The following MITF variants were observed in gnomAD, a reference collection of about 807,000 sequenced individuals.
MITF encodes melanocyte inducing transcription factor, also known as microphthalmia-associated transcription factor.
In MITF, 17 loss-of-function variants were observed where a neutral mutation model predicts 60.5. The observed-to-expected ratio is 0.28, with a 90% confidence interval of 0.19 to 0.42. The LOEUF is 0.42. MITF is among the 10% of genes least tolerant of loss of function. The pLI, the probability that MITF is intolerant of heterozygous loss-of-function variation, is 1.00. For synonymous variants in MITF, 260 were observed against 248.5 expected (o/e 1.05, Z -0.43); for missense variants, 622 against 683.5 (o/e 0.91, Z 1.00).
At position 69,965,324 on chromosome 3, in the gene MITF, G is replaced by A; in HGVS notation, c.*76G>A. On this transcript the variant is annotated 3_prime_UTR_variant, in exon 10 of 10. Coordinates refer to ENST00000352241, the MANE Select transcript of MITF (RefSeq NM_001354604.2). Reference sequence around the variant, plus strand: ...TAGATTTAATAACTTACCTGAAGGGGTTTTCTTGATAATTTTCCTTTAATA... The same window carrying A: ...TAGATTTAATAACTTACCTGAAGGGATTTTCTTGATAATTTTCCTTTAATA... 2 of 1,509,826 alleles carry A rather than the reference G, an allele frequency of 1.3e-6. No individual in the cohort carries two copies. Among genetic ancestry groups the A allele is most frequent in the South Asian group, 1.2e-5 (1 of 83,806 alleles). The allele number at this position is 1,509,826 out of a possible 1,614,324, so 93.5% of individuals were successfully genotyped here. A position where few individuals can be genotyped will look rare whatever the true frequency, so the allele number is the denominator to read the frequency against.
intron 1 of MITF, among the ~76,000 whole-genome samples, chr3:69,837,047 T>C (rs2063551558): frequency 6.6e-6 from 1 of 152,180 alleles, no homozygotes; most frequent in South Asian, 2.1e-4. Context: ...CCCTGACCCT[T>C]AGGGCTTCCA....
At chr3:69,917,883 C>T (rs1277616266) in intron 2 of MITF, among the ~76,000 whole-genome samples, 1 of 152,032 alleles carries the variant, frequency 6.6e-6, no homozygotes, top group Non-Finnish European at 1.5e-5. Context: ...ACAACTTTTG[C>T]TCCAGTTCTG....
At chr3:69,890,566 G>T (rs957631535) in intron 2 of MITF, among the ~76,000 whole-genome samples, 1 of 151,930 alleles carries the variant, frequency 6.6e-6, no homozygotes, top group African/African-American at 2.4e-5. Flanking sequence ...TGAAAACTAG[G>T]TTTTTTTGGT....
chr3:69,942,356 G>C (rs958438143), intron 5 of MITF, among the ~76,000 whole-genome samples: 2 of 152,008 alleles, frequency 1.3e-5, no homozygotes, highest in African/African-American at 4.8e-5. Flanking sequence ...ATTTTTTAAA[G>C]GTATGACTAA....
At chr3:69,938,891 T>C in intron 3 of MITF, 1 of 1,453,754 alleles carries the variant, frequency 6.9e-7, no homozygotes. Flanking sequence ...CCAAACCAAC[T>C]GCTTTATTTT....
At chr3:69,940,022 T>A (rs906324835) in intron 4 of MITF, among the ~76,000 whole-genome samples, 21 of 152,160 alleles carry the variant, frequency 1.4e-4, no homozygotes, top group African/African-American at 4.8e-4. Flanking sequence ...AACTGGCCAA[T>A]TATTCTTTTT....
At chr3:69,913,057 ATAT>A (rs2065258235) in intron 2 of MITF, among the ~76,000 whole-genome samples, 1 of 152,128 alleles carries the variant, frequency 6.6e-6, no homozygotes, top group African/African-American at 2.4e-5. Context: ...TGTCTAGGAT[ATAT>A]TATTATTATT....
chr3:69,937,696 T>C lies in MITF; in HGVS notation c.355-126T>C, dbSNP rs185929152. On this transcript the variant is annotated intron_variant, in intron 2 of 9. Coordinates refer to ENST00000352241, the MANE Select transcript of MITF (RefSeq NM_001354604.2). ...ATCCGTTAGCACAGTGCCTGGTACA[T>C]AACAAAGGCTTAATAATTTATTCTG... 1.5e-4 allele frequency: 126 copies of C among 814,950 alleles called. 2 individuals carry two copies. In the African/African-American group the frequency reaches 2.0e-3, roughly 13 times the overall value. The allele number at this position is 814,950 out of a possible 1,614,324, so 50.5% of individuals were successfully genotyped here.
At chr3:69,843,737 T>TTTTG (rs1218706779) in intron 1 of MITF, among the ~76,000 whole-genome samples, 2 of 152,192 alleles carry the variant, frequency 1.3e-5, no homozygotes, top group South Asian at 2.1e-4. Flanking sequence ...CCCATACCGT[T>TTTTG]TTTGTTTGTT....
intron 1 of MITF, chr3:69,866,397 A>G (rs2064116339): frequency 6.2e-7 from 1 of 1,607,722 alleles, no homozygotes; most frequent in Non-Finnish European, 8.5e-7. Flanking sequence ...TAAGAGGAGC[A>G]GTTTTTTTTC....
intron 1 of MITF, among the ~76,000 whole-genome samples, chr3:69,872,382 C>T (rs1423133852): frequency 6.6e-6 from 1 of 151,924 alleles, no homozygotes; most frequent in Non-Finnish European, 1.5e-5. Flanking sequence ...GAGCATTGTT[C>T]GTATGTTACA....
intron 5 of MITF, 102 bp from the exon 6 acceptor site, chr3:69,948,949 T>C (rs191071850): frequency 2.4e-6 from 2 of 846,734 alleles, no homozygotes; most frequent in East Asian, 5.2e-5. Flanking sequence ...TTGTATCAAA[T>C]AATTTTTCTT....
chr3:69,913,650 A>C (rs952727342), intron 2 of MITF, among the ~76,000 whole-genome samples: 2 of 152,174 alleles, frequency 1.3e-5, no homozygotes. Flanking sequence ...CTCTTTTCAG[A>C]TATAAATAAT....
intron 1 of MITF, among the ~76,000 whole-genome samples, chr3:69,761,256 T>C (rs1041831210): frequency 2.4e-4 from 36 of 152,320 alleles, no homozygotes; most frequent in African/African-American, 8.4e-4. Flanking sequence ...AGGTGAATTA[T>C]AAACATAGTA....
intron 1 of MITF, among the ~76,000 whole-genome samples, chr3:69,809,203 A>G (rs1373078503): frequency 6.6e-6 from 1 of 152,116 alleles, no homozygotes; most frequent in Non-Finnish European, 1.5e-5. Context: ...ATAAAAATGG[A>G]AGCATTGCTC....
intron 2 of MITF, among the ~76,000 whole-genome samples, chr3:69,895,803 AGTGTTTGT>A (rs1388588168): frequency 5.2e-5 from 6 of 115,206 alleles, no homozygotes; most frequent in African/African-American, 1.3e-4. Context: ...AGAATTGTGG[AGTGTTTGT>A]GTGTGTGTGT....
At chr3:69,939,609 A>G (rs2065924301) in intron 4 of MITF, among the ~76,000 whole-genome samples, 1 of 152,072 alleles carries the variant, frequency 6.6e-6, no homozygotes, top group Non-Finnish European at 1.5e-5. Flanking sequence ...AATAACATAT[A>G]ATGGATGCTT....
intron 2 of MITF, among the ~76,000 whole-genome samples, chr3:69,901,886 A>C (rs2065002465): frequency 6.6e-6 from 1 of 152,176 alleles, no homozygotes; most frequent in South Asian, 2.1e-4. Flanking sequence ...TTCTCCCAGC[A>C]TGTGTCACCC....
In MITF at chr3:69,774,838, T is replaced by A. The variant is rs115716463; in HGVS notation, c.104+35137T>A. Among the ~76,000 whole-genome samples, 296 of 152,192 alleles carry A rather than the reference T, an allele frequency of 1.9e-3. 3 individuals are homozygous for A. The highest frequency in any genetic ancestry group is 6.8e-3 in the African/African-American group (284 of 41,498). ...ACCTCAGCTGTCCTGTGGTAATGCT[T>A]AGGGGGCAAATGACCATACCAATGA... On this transcript the variant is annotated intron_variant, in intron 1 of 9. Transcript: ENST00000352241.
Sources: gnomAD v4.1 joint callset for allele counts (sites outside exome capture counted in the v4.1 genomes callset) on GRCh38, gnomAD v4.1.1 for gene constraint, MANE v1.5 for transcripts, NCBI Gene and HGNC (gene_info 2026-07-23, HGNC 2026-07-21) for gene names.